The following SEC23IP variants were observed in gnomAD, a reference collection of about 807,000 sequenced individuals.
SEC23IP encodes the protein SEC23-interacting protein.
A neutral mutation model predicts 113.4 loss-of-function variants in SEC23IP; 70 were observed. The observed-to-expected ratio is 0.62, with a 90% CI of 0.51 to 0.75. The LOEUF (loss-of-function observed/expected upper bound fraction) is 0.75. SEC23IP is among the 30% of genes least tolerant of loss of function. The probability of loss-of-function intolerance (pLI) is 0.00; values close to 1 mark genes in which losing one functional copy is unlikely to be tolerated. For synonymous variants in SEC23IP, 398 were observed against 421.0 expected (o/e 0.95, Z 0.67); for missense variants, 1,160 against 1,204.9 (o/e 0.96, Z 0.55).
intron 8 of SEC23IP, among the ~76,000 whole-genome samples, chr10:119,916,866 A>G (rs1855068743): frequency 6.6e-6 from 1 of 152,160 alleles, no homozygotes; most frequent in South Asian, 2.1e-4. Flanking sequence ...ATAACTTTAA[A>G]AAAAAAACTG....
rs529572805 is a variant in SEC23IP, at chr10:119,901,482, T to C, written c.697-1317T>C. On this transcript the variant is annotated intron_variant, in intron 2 of 18. Transcript: ENST00000369075. Reference sequence around the variant, plus strand: ...CCAGTGATTTCCTATTTTATTTATTTTTTTGCAAACATTCCAAATTTATTA... The same window carrying C: ...CCAGTGATTTCCTATTTTATTTATTCTTTTGCAAACATTCCAAATTTATTA... 2.0e-5 allele frequency among the ~76,000 whole-genome samples: 3 copies of C among 152,258 alleles called. No homozygotes were observed. The South Asian group carries it at 6.2e-4, about 32-fold the overall frequency.
Position 119,933,219 on chromosome 10 carries a change from G to A in SEC23IP, c.2921+52G>A, listed in dbSNP as rs766779854. 7.4e-6 allele frequency: 11 copies of A among 1,486,624 alleles called. No individual in the cohort carries two copies. The East Asian group carries it at 9.1e-5, about 12-fold the overall frequency. The allele number at this position is 1,486,624 out of a possible 1,614,324, so 92.1% of individuals were successfully genotyped here. ...TTGAGTGGGCTTTTGGTGCTAGCACGTGCAGCAATTTTAGTTTTAGTGAGA... is the reference window on the plus strand; with the variant it reads ...TTGAGTGGGCTTTTGGTGCTAGCACATGCAGCAATTTTAGTTTTAGTGAGA... On this transcript the variant is annotated intron_variant, in intron 17 of 18. Transcript: ENST00000369075.
At chr10:119,932,640 A>C (rs2279941) in intron 16 of SEC23IP, among the ~76,000 whole-genome samples, 8,407 of 152,302 alleles carry the variant, frequency 0.055, 432 homozygotes, top group South Asian at 0.27. Context: ...TAAAGACTCA[A>C]TCTGAGAGGT....
chr10:119,937,630 A>C (rs1354617341), intron 18 of SEC23IP, among the ~76,000 whole-genome samples: 1 of 150,652 alleles, frequency 6.6e-6, no homozygotes, highest in African/African-American at 2.5e-5. Flanking sequence ...CGTCTAAAAA[A>C]AAAAAACAAA....
intron 11 of SEC23IP, among the ~76,000 whole-genome samples, chr10:119,920,322 A>ACTGCTTAGAGTGTTAG (rs1301843127): frequency 6.6e-6 from 1 of 152,238 alleles, no homozygotes; most frequent in Non-Finnish European, 1.5e-5. Context: ...GCAAGGTAAC[A>ACTGCTTAGAGTGTTAG]AAACATTAGA....
At chr10:119,912,840 C>T (rs754178654) in intron 6 of SEC23IP, among the ~76,000 whole-genome samples, 1 of 152,010 alleles carries the variant, frequency 6.6e-6, no homozygotes, top group Non-Finnish European at 1.5e-5. Flanking sequence ...GTGGTTTCAC[C>T]ACGTTGGCCA....
intron 6 of SEC23IP, 128 bp downstream of exon 6, chr10:119,912,292 C>T (rs564237533): frequency 1.0e-6 from 1 of 974,992 alleles, no homozygotes; most frequent in Non-Finnish European, 1.5e-6. Context: ...ACCACCACTC[C>T]CAGCTAATAT....
In SEC23IP at chr10:119,901,045, G is replaced by A. The variant is rs199559061; in HGVS notation, c.697-1754G>A. 5.7e-5 allele frequency among the ~76,000 whole-genome samples: 5 copies of A among 87,378 alleles called. 1 individual carries two copies. The highest frequency in any genetic ancestry group is 1.2e-4 in the Non-Finnish European group (5 of 43,248). The allele number at this position is 87,378 out of a possible 152,430, so 57.3% of individuals were successfully genotyped here. ...CTTCTTTTTTTTTTTTTTAAAGAGT[G>A]GGGGGGGGGTCTTGCTCTGTCATCC... is the stretch of plus-strand genomic sequence containing the variant. On this transcript the variant is annotated intron_variant, in intron 2 of 18. Coordinates refer to ENST00000369075, the MANE Select transcript of SEC23IP (RefSeq NM_007190.4).
chr10:119,905,525 A>G (rs1363279119), intron 4 of SEC23IP, among the ~76,000 whole-genome samples: 5 of 152,194 alleles, frequency 3.3e-5, no homozygotes, highest in Non-Finnish European at 5.9e-5. Flanking sequence ...TCTTCCAGGA[A>G]ACTCAAACCA....
intron 11 of SEC23IP, 82 bp downstream of exon 11, chr10:119,919,678 C>A: frequency 9.1e-7 from 1 of 1,097,588 alleles, no homozygotes; most frequent in Non-Finnish European, 1.3e-6. Flanking sequence ...ATTTTCGTAT[C>A]AAAATACACT....
intron 18 of SEC23IP, among the ~76,000 whole-genome samples, chr10:119,939,171 C>G (rs1855887011): frequency 6.6e-6 from 1 of 151,170 alleles, no homozygotes; most frequent in African/African-American, 2.4e-5. Context: ...AAAAAAAAAT[C>G]ACTGGGGCAT....
intron 1 of SEC23IP, among the ~76,000 whole-genome samples, chr10:119,898,011 AAAT>A (rs1854335184): frequency 8.4e-5 from 11 of 130,454 alleles, no homozygotes; most frequent in Admixed American, 4.5e-4. Context: ...TCTCAAAAAA[AAAT>A]AAAAAAAAAA....
chr10:119,935,865 A>G lies in SEC23IP; in HGVS notation c.*20+2078A>G, dbSNP rs576907471. On this transcript the variant is annotated intron_variant, in intron 18 of 18. Transcript: ENST00000369075. ...AAAGTGTCATTTGAGCAAGCGAGCCAGGTGGATATCTGGAGGAAGAAGACC... is the reference window on the plus strand; with the variant it reads ...AAAGTGTCATTTGAGCAAGCGAGCCGGGTGGATATCTGGAGGAAGAAGACC... 5.3e-5 allele frequency among the ~76,000 whole-genome samples: 8 copies of G among 152,370 alleles called. No homozygotes were observed. The South Asian group carries it at 1.7e-3, about 32-fold the overall frequency.
chr10:119,929,888 A>G (rs1855539100), intron 14 of SEC23IP, 126 bp downstream of exon 14: 1 of 617,586 alleles, frequency 1.6e-6, no homozygotes, highest in South Asian at 2.3e-5. Flanking sequence ...GCCTCAAGTG[A>G]TCCTTCCATC....
Position 119,912,062 on chromosome 10 carries a change from C to A in SEC23IP, c.1210C>A (p.Pro404Thr). ...CTTGAAGGTTATTGTTCAGTTCCAG[C>A]CCTCCTCAGTGCCAGATGAATGGGG... Reference protein sequence around the residue: ...HNPKVIVQFQPSSVPDEWGTT... With the variant: ...HNPKVIVQFQTSSVPDEWGTT... The change falls in exon 6 of 19, where the codon CCC (proline) becomes ACC (threonine). Residue 404 changes from proline to threonine, a missense_variant. Coordinates refer to ENST00000369075, the MANE Select transcript of SEC23IP (RefSeq NM_007190.4). 1 of 1,614,032 alleles carries A rather than the reference C, an allele frequency of 6.2e-7. No homozygotes were observed. The highest frequency in any genetic ancestry group is 2.2e-5 in the East Asian group (1 of 44,876).
At chr10:119,894,892 C>CCG (rs1854220243) in intron 1 of SEC23IP, among the ~76,000 whole-genome samples, 2 of 143,502 alleles carry the variant, frequency 1.4e-5, no homozygotes. Flanking sequence ...TGGAGACAGT[C>CCG]TGTGTGTGTG....
At chr10:119,928,495 A>T (rs1358174483) in intron 13 of SEC23IP, among the ~76,000 whole-genome samples, 2 of 152,238 alleles carry the variant, frequency 1.3e-5, no homozygotes, top group African/African-American at 4.8e-5. Flanking sequence ...TGGATTTGGA[A>T]TTAGAAGTCC....
At chr10:119,915,421 C>A (rs1194964365) in intron 7 of SEC23IP, among the ~76,000 whole-genome samples, 2 of 152,080 alleles carry the variant, frequency 1.3e-5, no homozygotes, top group Admixed American at 6.6e-5. Flanking sequence ...TCCCTTATCA[C>A]AGTCAGTAGG....
At chr10:119,908,975 C>A in intron 4 of SEC23IP, 66 bp from the exon 5 acceptor site, 1 of 1,049,054 alleles carries the variant, frequency 9.5e-7, no homozygotes, top group Non-Finnish European at 1.5e-6. Context: ...CCGTTTTCCT[C>A]CATACTTTCT....
Sources: gnomAD v4.1 joint callset for allele counts (sites outside exome capture counted in the v4.1 genomes callset) on GRCh38, gnomAD v4.1.1 for gene constraint, MANE v1.5 for transcripts, NCBI Gene and HGNC (gene_info 2026-07-23, HGNC 2026-07-21) for gene names.